Variants in ZNF514 observed in about 807,000 individuals in gnomAD.
ZNF514 encodes zinc finger protein 514.
In ZNF514, 12 loss-of-function variants were observed where a neutral mutation model predicts 9.7. The ratio of observed to expected loss-of-function variants is 1.24; its 90% CI spans 0.79 to 2.01. ZNF514 has a LOEUF of 2.01. Ranked by LOEUF, ZNF514 falls within the 30% of genes most tolerant of loss-of-function variation. ZNF514 has a pLI of 0.00. For synonymous variants in ZNF514, 158 were observed against 163.7 expected, an observed-to-expected ratio of 0.97 and a Z score of 0.27; for missense variants, 467 against 465.5, an observed-to-expected ratio of 1.00 and a Z score of -0.03.
At chr2:95,151,054 T>C (rs1482149639) in intron 4 of ZNF514, among the ~76,000 whole-genome samples, 1 of 152,212 alleles carries the variant, frequency 6.6e-6, no homozygotes, top group Non-Finnish European at 1.5e-5. Context: ...CATATACATA[T>C]AACATGTATC....
At chr2:95,127,047 C>T in the ZNF514 span, among the ~76,000 whole-genome samples, 6 of 152,302 alleles carry the variant, frequency 3.9e-5, no homozygotes, top group Admixed American at 3.3e-4. Context: ...GAATTGGTGT[C>T]AGCTCAGAGG....
intron 4 of ZNF514, among the ~76,000 whole-genome samples, chr2:95,152,414 T>G (rs1187634054): frequency 6.6e-6 from 1 of 152,106 alleles, no homozygotes; most frequent in Non-Finnish European, 1.5e-5. Context: ...CTGTGAGACA[T>G]CTAGTGATGC....
At chr2:95,132,542 C>A in the ZNF514 span, among the ~76,000 whole-genome samples, 2 of 152,066 alleles carry the variant, frequency 1.3e-5, no homozygotes, top group Admixed American at 1.3e-4. Flanking sequence ...ATGGTACCGC[C>A]ATTCTGGAAA....
Position 95,145,612 on chromosome 2 carries a change from T to G in ZNF514, c.*3670A>C, listed in dbSNP as rs1381492356. ...CACTGCCAATCAGAAAATCTTTGAATCCACCTATAACCCAGAAGGCCCTCC... is the reference window on the plus strand; with the variant it reads ...CACTGCCAATCAGAAAATCTTTGAAGCCACCTATAACCCAGAAGGCCCTCC... On this transcript the variant is annotated 3_prime_UTR_variant, in exon 5 of 5. Transcript: ENST00000295208. 6.6e-6 allele frequency among the ~76,000 whole-genome samples: 1 copy of G among 152,160 alleles called. No homozygotes were observed. The highest frequency in any genetic ancestry group is 1.5e-5 in the Non-Finnish European group (1 of 68,028).
chr2:95,137,359 T>C, the ZNF514 span, among the ~76,000 whole-genome samples: 1 of 152,206 alleles, frequency 6.6e-6, no homozygotes, highest in Non-Finnish European at 1.5e-5. Context: ...AAAATGGCCA[T>C]GTGGTTGTGC....
the ZNF514 span, among the ~76,000 whole-genome samples, chr2:95,131,129 T>C: frequency 6.6e-6 from 1 of 152,098 alleles, no homozygotes; most frequent in African/African-American, 2.4e-5. Context: ...AATTAGAAAA[T>C]CCAGCAATAC....
In ZNF514 at chr2:95,159,640, C is replaced by T. The variant is rs1673798021; in HGVS notation, c.-496G>A. 5.2e-5 allele frequency: 6 copies of T among 116,294 alleles called. No homozygotes were observed. In the East Asian group the frequency reaches 7.3e-4, roughly 14 times the overall value. The allele number at this position is 116,294 out of a possible 1,614,324, so 7.2% of individuals were successfully genotyped here. ...GCCCGCCACCCCGCGCCAGCCCCCG[C>T]CCGCCACCCCGCGCCAGCCCCCGCC... On this transcript the variant is annotated 5_prime_UTR_variant, in exon 1 of 5. Transcript: ENST00000295208.
chr2:95,153,006 T>C (rs1673586050), intron 3 of ZNF514, 127 bp downstream of exon 3: 1 of 1,273,576 alleles, frequency 7.9e-7, no homozygotes, highest in Non-Finnish European at 1.1e-6. Flanking sequence ...AATGTAAATG[T>C]CTGATTCCAG....
intron 2 of ZNF514, chr2:95,154,782 C>T (rs1459489823): frequency 6.6e-6 from 1 of 152,202 alleles, no homozygotes; most frequent in Admixed American, 6.5e-5. Context: ...AGACAATATA[C>T]ATCAGCTTCT....
rs755518797 is a variant in ZNF514, at chr2:95,146,195, G to T, written c.*3087C>A. Among the ~76,000 whole-genome samples the T allele has an allele frequency of 5.9e-5, 9 of 152,098 alleles. No homozygotes were observed. Among genetic ancestry groups the T allele is most frequent in the Non-Finnish European group, 1.3e-4 (9 of 68,024 alleles). ...AATCTCTTAAAATATTTTACCATTTGACTTTTTCCATTGTCATCTGGTTCA... is the reference window on the plus strand; with the variant it reads ...AATCTCTTAAAATATTTTACCATTTTACTTTTTCCATTGTCATCTGGTTCA... On this transcript the variant is annotated 3_prime_UTR_variant, in exon 5 of 5. Coordinates refer to ENST00000295208, the MANE Select transcript of ZNF514 (RefSeq NM_032788.3).
chr2:95,151,402 C>T (rs1430914367), intron 4 of ZNF514, among the ~76,000 whole-genome samples: 1 of 152,158 alleles, frequency 6.6e-6, no homozygotes, highest in East Asian at 1.9e-4. Flanking sequence ...AAAACAAGGA[C>T]CTCGGTTTTA....
In ZNF514 at chr2:95,150,271, T is replaced by TC. The variant is rs1328399633; in HGVS notation, c.218-5_218-4insG. ...GATTTAGACCTTCTCTTCCAGTCTGTTAAAAAAAAAAAAAAAAAAAGAAGA... is the reference window on the plus strand; with the variant it reads ...GATTTAGACCTTCTCTTCCAGTCTGTCTAAAAAAAAAAAAAAAAAAAGAAGA... On this transcript the variant is annotated splice_region_variant and splice_polypyrimidine_tract_variant and intron_variant, in intron 4 of 4. Coordinates refer to ENST00000295208, the MANE Select transcript of ZNF514 (RefSeq NM_032788.3). 6 of 1,337,704 alleles carry TC rather than the reference T, an allele frequency of 4.5e-6. No homozygotes were observed. The highest frequency in any genetic ancestry group is 5.7e-6 in the Non-Finnish European group (6 of 1,057,464). 82.9% of individuals were successfully genotyped at this position (1,337,704 alleles called of 1,614,324 possible).
At chr2:95,124,782 C>T in the ZNF514 span, among the ~76,000 whole-genome samples, 2 of 151,862 alleles carry the variant, frequency 1.3e-5, no homozygotes, top group African/African-American at 2.4e-5. Context: ...GGATTACAGG[C>T]GTGAGCCACT....
chr2:95,145,086 T>A lies in ZNF514; in HGVS notation c.*4196A>T, dbSNP rs1440130744. Among the ~76,000 whole-genome samples, 1 of 152,200 alleles carries A rather than the reference T, an allele frequency of 6.6e-6. No individual in the cohort carries two copies. The highest frequency in any genetic ancestry group is 1.9e-4 in the East Asian group (1 of 5,192). On this transcript the variant is annotated 3_prime_UTR_variant, in exon 5 of 5. Transcript: ENST00000295208. ...TACAAAAACATGCAGTCGGAAGCAC[T>A]GAGAAAACTGGGCAACATAAGAGAA...
Position 95,157,390 on chromosome 2 carries a change from T to C in ZNF514, c.-46A>G, listed in dbSNP as rs1230062957. 3.9e-6 allele frequency: 5 copies of C among 1,289,624 alleles called. No individual in the cohort carries two copies. In the African/African-American group the frequency reaches 6.1e-5, roughly 16 times the overall value. 79.9% of individuals were successfully genotyped at this position (1,289,624 alleles called of 1,614,324 possible). ...TCAGGAATGAATTGGTTGTTCCCTCTTCTCCTGGGAATCTCTCTGGAGGAA... is the reference window on the plus strand; with the variant it reads ...TCAGGAATGAATTGGTTGTTCCCTCCTCTCCTGGGAATCTCTCTGGAGGAA... On this transcript the variant is annotated 5_prime_UTR_variant, in exon 2 of 5. Transcript: ENST00000295208.
the ZNF514 span, among the ~76,000 whole-genome samples, chr2:95,134,419 C>T: frequency 6.6e-6 from 1 of 152,166 alleles, no homozygotes; most frequent in African/African-American, 2.4e-5. Flanking sequence ...ATGGTTAAGG[C>T]TCTCCAGTTC....
intron 1 of ZNF514, among the ~76,000 whole-genome samples, chr2:95,158,108 G>T (rs1448633517): frequency 6.6e-6 from 1 of 152,206 alleles, no homozygotes; most frequent in Non-Finnish European, 1.5e-5. Flanking sequence ...GCACAGTTAG[G>T]CATTCCTCAA....
At chr2:95,152,208 CT>C (rs1558701771) in intron 4 of ZNF514, among the ~76,000 whole-genome samples, 1 of 152,272 alleles carries the variant, frequency 6.6e-6, no homozygotes, top group African/African-American at 2.4e-5. Context: ...CCTGGAACCA[CT>C]TTTTTTGAGA....
Position 95,150,094 on chromosome 2 carries a change from C to T in ZNF514, c.391G>A (p.Glu131Lys), listed in dbSNP as rs748518994. Residue 131 changes from glutamate to lysine, a missense_variant, in exon 5 of 5, where the codon GAG (glutamate) becomes AAG (lysine). Glu to Lys is a moderately conservative substitution (Grantham distance 56). Coordinates refer to ENST00000295208, the MANE Select transcript of ZNF514 (RefSeq NM_032788.3). ...GQLEMQQIKQ[E>K]RHLKQMSTIH... The stretch of plus-strand genomic sequence containing the variant: ...GTTGACATTTGTTTCAGGTGTCTCT[C>T]CTGTTTTATCTGCTGCATCTCTAAC... 17 of 1,613,150 alleles carry T rather than the reference C, an allele frequency of 1.1e-5. No individual in the cohort carries two copies. In the Admixed American group the frequency reaches 2.7e-4, roughly 25 times the overall value.
Sources: gnomAD v4.1 joint callset for allele counts (sites outside exome capture counted in the v4.1 genomes callset) on GRCh38, gnomAD v4.1.1 for gene constraint, MANE v1.5 for transcripts, NCBI Gene and HGNC (gene_info 2026-07-23, HGNC 2026-07-21) for gene names.